The following LZTFL1 variants were observed in gnomAD, a reference collection of about 807,000 sequenced individuals.
LZTFL1 encodes leucine zipper transcription factor like 1.
In LZTFL1, 25 loss-of-function variants were observed where a neutral mutation model predicts 45.9. The observed-to-expected ratio is 0.54, with a 90% CI of 0.40 to 0.76. The LOEUF is 0.76. Ranked by LOEUF, LZTFL1 falls within the 30% of genes least tolerant of loss-of-function variation. The pLI, the probability that LZTFL1 is intolerant of heterozygous loss-of-function variation, is 0.00. For synonymous variants in LZTFL1, 93 were observed against 117.4 expected, an observed-to-expected ratio of 0.79 and a Z score of 1.35; for missense variants, 277 against 331.1, an observed-to-expected ratio of 0.84 and a Z score of 1.27.
intron 2 of LZTFL1, among the ~76,000 whole-genome samples, chr3:45,889,388 A>G (rs891850298): frequency 6.6e-6 from 1 of 152,176 alleles, no homozygotes; most frequent in Non-Finnish European, 1.5e-5. Flanking sequence ...TGTAATTACT[A>G]GACTTGCTCT....
chr3:45,837,626 T>A (rs1700999931), intron 2 of LZTFL1, among the ~76,000 whole-genome samples: 1 of 152,252 alleles, frequency 6.6e-6, no homozygotes, highest in African/African-American at 2.4e-5. Flanking sequence ...AGTTCTGGAA[T>A]CTTCAATACA....
At chr3:45,906,590 C>A (rs1014001546) in intron 2 of LZTFL1, among the ~76,000 whole-genome samples, 1 of 152,228 alleles carries the variant, frequency 6.6e-6, no homozygotes, top group Non-Finnish European at 1.5e-5. Context: ...TAACATGCCA[C>A]AGCCAAGGCC....
At chr3:45,872,795 A>G (rs966366269) in intron 2 of LZTFL1, among the ~76,000 whole-genome samples, 2 of 152,142 alleles carry the variant, frequency 1.3e-5, no homozygotes, top group Non-Finnish European at 2.9e-5. Context: ...CTGATGGGGG[A>G]GGGGATTCCA....
At chr3:45,869,234 T>C (rs991552047) in intron 2 of LZTFL1, among the ~76,000 whole-genome samples, 3 of 152,252 alleles carry the variant, frequency 2.0e-5, no homozygotes, top group Non-Finnish European at 4.4e-5. Context: ...AGGTCAGTCC[T>C]GCTGTGCAAG....
chr3:45,915,319 C>G (rs1222284348), intron 1 of LZTFL1: 2 of 331,850 alleles, frequency 6.0e-6, no homozygotes, highest in Non-Finnish European at 1.2e-5. Context: ...CTGCTTTGCT[C>G]TCCGATCTTT....
chr3:45,876,520 G>A (rs1300522740), intron 2 of LZTFL1, among the ~76,000 whole-genome samples: 1 of 152,116 alleles, frequency 6.6e-6, no homozygotes, highest in African/African-American at 2.4e-5. Context: ...TGTAGAGCTG[G>A]ATAGACCCCA....
chr3:45,875,542 C>T (rs2125720358), intron 2 of LZTFL1, among the ~76,000 whole-genome samples: 1 of 152,272 alleles, frequency 6.6e-6, no homozygotes, highest in East Asian at 1.9e-4. Flanking sequence ...TAATATCTGG[C>T]CAGGTGCAGT....
upstream of LZTFL1, chr3:45,915,673 G>A: frequency 2.8e-6 from 1 of 357,290 alleles, no homozygotes; most frequent in Non-Finnish European, 5.7e-6. Flanking sequence ...CAAGGCTTTA[G>A]ATGGGGCTGT....
At chr3:45,841,784 C>T in intron 1 of LZTFL1, 1 of 642,080 alleles carries the variant, frequency 1.6e-6, no homozygotes, top group Non-Finnish European at 2.7e-6. Context: ...TGGGAAAAGG[C>T]TTCACCCAGG....
At chr3:45,890,619 A>G (rs1300268757) in intron 2 of LZTFL1, among the ~76,000 whole-genome samples, 1 of 151,754 alleles carries the variant, frequency 6.6e-6, no homozygotes, top group African/African-American at 2.4e-5. Context: ...GCAGGAAGCA[A>G]TCACTCCACA....
chr3:45,842,102 G>T lies in LZTFL1; in HGVS notation c.-111C>A, dbSNP rs999276982. 4.5e-6 allele frequency: 7 copies of T among 1,555,434 alleles called. No homozygotes were observed. In the African/African-American group the frequency reaches 6.8e-5, roughly 15 times the overall value. ...CCACAGAAAATGGGGAAGGAGGGTAGGTTGTTTAGAAGCCTCTGGTTGCTA... is the reference window on the plus strand; with the variant it reads ...CCACAGAAAATGGGGAAGGAGGGTATGTTGTTTAGAAGCCTCTGGTTGCTA... On this transcript the variant is annotated 5_prime_UTR_variant, in exon 1 of 10. Coordinates refer to ENST00000296135, the MANE Select transcript of LZTFL1 (RefSeq NM_020347.4).
At chr3:45,828,388 G>A (rs770856011) in intron 8 of LZTFL1, 51 bp downstream of exon 8, 5 of 1,495,788 alleles carry the variant, frequency 3.3e-6, no homozygotes, top group Middle Eastern at 1.7e-4. Flanking sequence ...TCTATACTGT[G>A]TGCATTAATC....
At chr3:45,897,247 G>C (rs905565854) in intron 2 of LZTFL1, among the ~76,000 whole-genome samples, 2 of 152,186 alleles carry the variant, frequency 1.3e-5, no homozygotes, top group African/African-American at 4.8e-5. Flanking sequence ...AGGGGGTGTT[G>C]TTCCAGGATT....
chr3:45,869,784 G>A (rs1325758504), intron 2 of LZTFL1, among the ~76,000 whole-genome samples: 1 of 152,206 alleles, frequency 6.6e-6, no homozygotes, highest in Non-Finnish European at 1.5e-5. Flanking sequence ...GGTCCAGACA[G>A]AAGAGGTCAC....
chr3:45,894,910 A>T, intron 2 of LZTFL1: 1 of 1,613,618 alleles, frequency 6.2e-7, no homozygotes, highest in Non-Finnish European at 8.5e-7. Flanking sequence ...TTCCAGGAGC[A>T]GGCTTGCATC....
At chr3:45,913,559 G>A (rs1425352139) in intron 1 of LZTFL1, among the ~76,000 whole-genome samples, 1 of 152,144 alleles carries the variant, frequency 6.6e-6, no homozygotes, top group Non-Finnish European at 1.5e-5. Flanking sequence ...ATGATACTTT[G>A]AGAGTCTGCA....
At chr3:45,829,014 T>C (rs1039030038) in intron 7 of LZTFL1, among the ~76,000 whole-genome samples, 7 of 152,196 alleles carry the variant, frequency 4.6e-5, no homozygotes, top group African/African-American at 1.7e-4. Context: ...ATGATAAAAG[T>C]AATATAATTT....
chr3:45,830,251 T>C (rs1014991187), intron 7 of LZTFL1, among the ~76,000 whole-genome samples: 1 of 152,214 alleles, frequency 6.6e-6, no homozygotes, highest in African/African-American at 2.4e-5. Flanking sequence ...ACCCAAATGG[T>C]CCTGCTCACA....
chr3:45,893,168 T>G (rs961094750), intron 2 of LZTFL1, among the ~76,000 whole-genome samples: 1 of 151,078 alleles, frequency 6.6e-6, no homozygotes, highest in South Asian at 2.1e-4. Flanking sequence ...TTTTTTTTTT[T>G]GTTTGAGATG....
Sources: gnomAD v4.1 joint callset for allele counts (sites outside exome capture counted in the v4.1 genomes callset) on GRCh38, gnomAD v4.1.1 for gene constraint, MANE v1.5 for transcripts, NCBI Gene and HGNC (gene_info 2026-07-23, HGNC 2026-07-21) for gene names.